Variants in SRP54 observed in about 807,000 individuals in gnomAD.
SRP54 encodes the protein signal recognition particle subunit SRP54.
SRP54 carries 10 observed loss-of-function variants against 64.8 expected under a neutral mutation model. The ratio of observed to expected loss-of-function variants is 0.15; its 90% CI spans 0.10 to 0.26. The LOEUF (loss-of-function observed/expected upper bound fraction) is 0.26. SRP54 is among the 10% of genes least tolerant of loss of function. SRP54 has a pLI of 1.00. For missense variants in SRP54, 325 were observed against 613.7 expected (o/e 0.53, Z 4.97); for synonymous variants, 193 against 185.6 (o/e 1.04, Z -0.32).
At chr14:35,014,925 T>TA in intron 11 of SRP54, 95 bp downstream of exon 11, 1 of 845,840 alleles carries the variant, frequency 1.2e-6, no homozygotes, top group East Asian at 2.6e-5. Context: ...TAATATCTGT[T>TA]AGAGTCAGAT....
chr14:35,015,287 G>T (rs1176919705), intron 11 of SRP54, among the ~76,000 whole-genome samples: 1 of 152,126 alleles, frequency 6.6e-6, no homozygotes, highest in African/African-American at 2.4e-5. Context: ...TGTTGGCCAG[G>T]CTGGTCTTGA....
At chr14:35,001,678 C>T (rs1351796045) in intron 4 of SRP54, among the ~76,000 whole-genome samples, 1 of 152,142 alleles carries the variant, frequency 6.6e-6, no homozygotes, top group African/African-American at 2.4e-5. Flanking sequence ...GTATTCTTTT[C>T]TACACTGTTC....
rs145732963 is a variant in SRP54, at chr14:35,027,069, G to A, written c.1328-1019G>A. Among the ~76,000 whole-genome samples the A allele has an allele frequency of 9.5e-4, 129 of 136,232 alleles. 4 individuals carry two copies. In the East Asian group the frequency reaches 0.026, roughly 28 times the overall value. The allele number at this position is 136,232 out of a possible 152,430, so 89.4% of individuals were successfully genotyped here. On this transcript the variant is annotated intron_variant, in intron 14 of 15. Transcript: ENST00000216774. ...TTCTGAGACAGAGTCTTGCTCTGTC[G>A]CCCAGGCTGGAGTACAGTGGTGCGA...
intron 7 of SRP54, among the ~76,000 whole-genome samples, chr14:35,009,954 C>T (rs538517784): frequency 7.9e-5 from 12 of 151,878 alleles, no homozygotes; most frequent in Non-Finnish European, 1.6e-4. Flanking sequence ...TCGAGACCAG[C>T]CTGGCCAACA....
intron 1 of SRP54, among the ~76,000 whole-genome samples, chr14:34,991,202 T>C (rs2043972381): frequency 2.0e-5 from 3 of 149,916 alleles, no homozygotes; most frequent in African/African-American, 7.3e-5. Context: ...CGATCTGGGC[T>C]CACTGTAACC....
intron 14 of SRP54, among the ~76,000 whole-genome samples, chr14:35,026,157 T>C (rs1034184337): frequency 3.0e-4 from 33 of 110,372 alleles, no homozygotes; most frequent in African/African-American, 1.0e-3. Context: ...AAGGGTGTTT[T>C]TATCTATTCT....
At chr14:35,023,161 A>G (rs2044563049) in intron 14 of SRP54, 81 bp downstream of exon 14, 7 of 1,165,164 alleles carry the variant, frequency 6.0e-6, no homozygotes, top group Admixed American at 2.4e-5. Flanking sequence ...AGTATTGGAA[A>G]ATTCACAGCT....
chr14:35,018,747 C>T lies in SRP54; in HGVS notation c.1029C>T (p.Gly343=). The change falls in exon 12 of 16, where the codon GGC becomes GGT. Residue 343 remains glycine (G), a synonymous_variant. Transcript: ENST00000216774. ...AATTTCAAAATATCATGAAAATGGG[C>T]CCCTTCAGTCAGATCTTGGTTAGTT... ...YEQFQNIMKM[G]PFSQILGMIP... The T allele has an allele frequency of 6.2e-7, 1 of 1,613,316 alleles. No individual in the cohort carries two copies. Among genetic ancestry groups the T allele is most frequent in the Non-Finnish European group, 8.5e-7 (1 of 1,179,698 alleles).
chr14:34,991,109 C>CTTTTTTTTTTTT (rs71435838), intron 1 of SRP54, among the ~76,000 whole-genome samples: 8 of 111,030 alleles, frequency 7.2e-5, no homozygotes, highest in African/African-American at 9.9e-5. Context: ...AATTTCTTTT[C>CTTTTTTTTTTTT]TTTTTTTTTT....
chr14:35,001,602 C>T (rs1333851509), intron 4 of SRP54, among the ~76,000 whole-genome samples: 1 of 152,096 alleles, frequency 6.6e-6, no homozygotes, highest in African/African-American at 2.4e-5. Context: ...TAAGTTTTTC[C>T]TCGTTCACTA....
rs771074220 is a variant in SRP54 at position 35,008,623 on chromosome 14, C to T, written c.361-4C>T. 3.9e-6 allele frequency: 6 copies of T among 1,535,330 alleles called. No individual in the cohort carries two copies. The highest frequency in any genetic ancestry group is 3.7e-5 in the Admixed American group (2 of 53,488). ...ATTATATTTTTAAATCTTTTCTCAC[C>T]CAGCTAGCATATTATTACCAGAGGA... On this transcript the variant is annotated splice_region_variant and splice_polypyrimidine_tract_variant and intron_variant, in intron 5 of 15. Coordinates refer to ENST00000216774, the MANE Select transcript of SRP54 (RefSeq NM_003136.4).
chr14:35,023,159 A>C, intron 14 of SRP54, 79 bp downstream of exon 14: 4 of 1,194,758 alleles, frequency 3.3e-6, no homozygotes, highest in Admixed American at 4.8e-5. Flanking sequence ...CCAGTATTGG[A>C]AAATTCACAG....
intron 11 of SRP54, among the ~76,000 whole-genome samples, chr14:35,017,207 A>G (rs1328985611): frequency 6.6e-6 from 1 of 152,088 alleles, no homozygotes; most frequent in South Asian, 2.1e-4. Context: ...TGCTACCACT[A>G]TGAAGCTGGG....
chr14:34,998,965 TTGTGTGTATGTGTGTGTG>T (rs1217778154), intron 2 of SRP54, among the ~76,000 whole-genome samples: 9 of 121,774 alleles, frequency 7.4e-5, no homozygotes, highest in Non-Finnish European at 1.1e-4. Context: ...TATTATTACT[TTGTGTGTATGTGTGTGTG>T]TGTGTGTGTG....
chr14:34,993,165 T>C (rs2044009347), intron 1 of SRP54: 1 of 152,212 alleles, frequency 6.6e-6, no homozygotes, highest in Non-Finnish European at 1.5e-5. Flanking sequence ...TGGCTTAGTA[T>C]AGCTTTTTAA....
intron 14 of SRP54, among the ~76,000 whole-genome samples, chr14:35,023,640 C>T (rs996635730): frequency 1.3e-5 from 2 of 151,860 alleles, no homozygotes; most frequent in South Asian, 4.2e-4. Flanking sequence ...AAAAAATATC[C>T]GGGTGTCGTG....
In SRP54 at chr14:34,983,402, G is replaced by T. The variant is rs554037686; in HGVS notation, c.-34+187G>T. Reference sequence around the variant, plus strand: ...AGAAGTTTTATTAAAGATGCGCTGTGCCCCTTTTGAGTTGTCTTCCGATTT... The same window carrying T: ...AGAAGTTTTATTAAAGATGCGCTGTTCCCCTTTTGAGTTGTCTTCCGATTT... On this transcript the variant is annotated intron_variant, in intron 1 of 15. Coordinates refer to ENST00000216774, the MANE Select transcript of SRP54 (RefSeq NM_003136.4). Among the ~76,000 whole-genome samples the T allele has an allele frequency of 2.0e-5, 3 of 152,310 alleles. No homozygotes were observed. The East Asian group carries it at 5.8e-4, about 29-fold the overall frequency.
chr14:35,009,507 C>T (rs978321313), intron 7 of SRP54, among the ~76,000 whole-genome samples: 2 of 151,972 alleles, frequency 1.3e-5, no homozygotes, highest in Admixed American at 1.3e-4. Context: ...TAAAATATCT[C>T]ATTTCTTGAT....
rs2044049363 is a variant in SRP54, at chr14:34,995,137, GTGTGT to G, written c.-33-1539_-33-1535del. ...CAGAGAAGCAGAATCAATAAAGGGT[GTGTGT>G]GTGTGTGTGTGTGTGTGTGTGTGTG... On this transcript the variant is annotated intron_variant, in intron 1 of 15. Transcript: ENST00000216774. Among the ~76,000 whole-genome samples, 5 of 25,754 alleles carry G rather than the reference GTGTGT, an allele frequency of 1.9e-4. No homozygotes were observed. The South Asian group carries it at 2.8e-3, about 15-fold the overall frequency. 16.9% of individuals were successfully genotyped at this position (25,754 alleles called of 152,430 possible). A position where few individuals can be genotyped will look rare whatever the true frequency, so the allele number is the denominator to read the frequency against.
Sources: gnomAD v4.1 joint callset for allele counts (sites outside exome capture counted in the v4.1 genomes callset) on GRCh38, gnomAD v4.1.1 for gene constraint, MANE v1.5 for transcripts, NCBI Gene and HGNC (gene_info 2026-07-23, HGNC 2026-07-21) for gene names.